The following MGAT4D variants were observed in gnomAD, a reference collection of about 807,000 sequenced individuals.
The protein encoded by MGAT4D is MGAT4 family member D.
MGAT4D carries 34 observed loss-of-function variants against 15.9 expected under a neutral mutation model. The ratio of observed to expected loss-of-function variants is 2.14; its 90% confidence interval spans 1.62 to 2.84. The LOEUF (loss-of-function observed/expected upper bound fraction) is 2.84, where lower values mean the gene tolerates loss of function less well. MGAT4D is among the 30% of genes most tolerant of loss of function. The probability of loss-of-function intolerance (pLI) is 0.00; values close to 1 mark genes in which losing one functional copy is unlikely to be tolerated. For missense variants in MGAT4D, 327 were observed against 140.2 expected (o/e 2.33, Z -6.73); for synonymous variants, 112 against 48.2 (o/e 2.33, Z -5.49).
At chr4:140,460,488 C>T (rs1353569370) in intron 7 of MGAT4D, among the ~76,000 whole-genome samples, 1 of 152,188 alleles carries the variant, frequency 6.6e-6, no homozygotes, top group Non-Finnish European at 1.5e-5. Flanking sequence ...TTGTCTCCCA[C>T]AGGCTCCACC....
intron 10 of MGAT4D, among the ~76,000 whole-genome samples, chr4:140,446,828 G>A (rs569719439): frequency 4.1e-4 from 44 of 106,866 alleles, no homozygotes; most frequent in African/African-American, 1.4e-3. Flanking sequence ...CTAGCTTTTC[G>A]ATTTGGGTAT....
In MGAT4D at chr4:140,480,728, A is replaced by AAC. The variant is rs10615827; in HGVS notation, c.254-1103_254-1102dup. On this transcript the variant is annotated intron_variant, in intron 2 of 10. Coordinates refer to ENST00000511113, the MANE Select transcript of MGAT4D (RefSeq NM_001277353.2). ...CAATATAGCAAGACCCTCATCTCTA[A>AAC]ACACACACACACACACACACACACA... Among the ~76,000 whole-genome samples, 378 of 125,664 alleles carry AAC rather than the reference A, an allele frequency of 3.0e-3. 3 individuals carry two copies. The highest frequency in any genetic ancestry group is 4.7e-3 in the South Asian group (16 of 3,400). The allele number at this position is 125,664 out of a possible 152,430, so 82.4% of individuals were successfully genotyped here.
chr4:140,473,552 T>G (rs1364866808), intron 4 of MGAT4D, among the ~76,000 whole-genome samples: 2 of 152,154 alleles, frequency 1.3e-5, no homozygotes, highest in African/African-American at 4.8e-5. Context: ...TAAAAGAAAA[T>G]GAGGCATAGA....
At chr4:140,461,328 T>A (rs1187149809) in intron 7 of MGAT4D, among the ~76,000 whole-genome samples, 2 of 152,210 alleles carry the variant, frequency 1.3e-5, no homozygotes, top group Non-Finnish European at 2.9e-5. Flanking sequence ...AGTCTACAAC[T>A]CTCTTCTGCA....
At chr4:140,478,812 A>G (rs1341555558) in intron 3 of MGAT4D, among the ~76,000 whole-genome samples, 2 of 150,990 alleles carry the variant, frequency 1.3e-5, no homozygotes, top group Non-Finnish European at 3.0e-5. Flanking sequence ...ATTTTTGGCT[A>G]TTGGGTTATA....
intron 1 of MGAT4D, among the ~76,000 whole-genome samples, chr4:140,485,162 C>A (rs1330174264): frequency 2.0e-5 from 3 of 152,134 alleles, no homozygotes; most frequent in Admixed American, 2.0e-4. Context: ...AAATGTCCAA[C>A]AATGATAGAC....
intron 5 of MGAT4D, among the ~76,000 whole-genome samples, chr4:140,470,224 G>A (rs911442418): frequency 1.3e-5 from 2 of 152,266 alleles, no homozygotes; most frequent in East Asian, 3.9e-4. Flanking sequence ...CTATTTGAAC[G>A]ACCAGGAGTT....
chr4:140,495,084 T>C (rs1275694017), intron 1 of MGAT4D, among the ~76,000 whole-genome samples: 4 of 152,186 alleles, frequency 2.6e-5, no homozygotes, highest in Non-Finnish European at 5.9e-5. Context: ...ATGGTCCCCA[T>C]GATATAATAC....
At chr4:140,481,346 T>C (rs1052336201) in intron 2 of MGAT4D, among the ~76,000 whole-genome samples, 1 of 152,122 alleles carries the variant, frequency 6.6e-6, no homozygotes, top group African/African-American at 2.4e-5. Flanking sequence ...TAAACTCTCA[T>C]ACATTGCTGG....
intron 10 of MGAT4D, among the ~76,000 whole-genome samples, chr4:140,450,332 T>A (rs1030468658): frequency 5.9e-5 from 9 of 152,164 alleles, no homozygotes; most frequent in African/African-American, 1.7e-4. Flanking sequence ...AAAAATATAA[T>A]GAAAGAATCC....
At chr4:140,492,292 G>T (rs1389245150) in intron 1 of MGAT4D, among the ~76,000 whole-genome samples, 1 of 152,144 alleles carries the variant, frequency 6.6e-6, no homozygotes, top group Non-Finnish European at 1.5e-5. Flanking sequence ...CTTCTTAGTA[G>T]TAGAGCCTTC....
intron 8 of MGAT4D, chr4:140,459,306 C>T (rs559868904): frequency 2.6e-4 from 68 of 258,304 alleles, no homozygotes; most frequent in Middle Eastern, 2.2e-3. Context: ...TCAATTTGAT[C>T]TCTCTAGAAA....
chr4:140,497,132 A>C (rs548512479), intron 1 of MGAT4D, among the ~76,000 whole-genome samples: 1 of 152,336 alleles, frequency 6.6e-6, no homozygotes, highest in African/African-American at 2.4e-5. Flanking sequence ...ACATGAAGCC[A>C]CTCCCAAACT....
At chr4:140,452,860 A>T (rs946014669) in intron 9 of MGAT4D, among the ~76,000 whole-genome samples, 1 of 152,096 alleles carries the variant, frequency 6.6e-6, no homozygotes, top group Non-Finnish European at 1.5e-5. Context: ...ATTTTCTTCC[A>T]AGAGTTTTAG....
intron 1 of MGAT4D, among the ~76,000 whole-genome samples, chr4:140,486,273 T>TCA (rs57402037): frequency 0.086 from 13,148 of 152,002 alleles, 571 homozygotes; most frequent in South Asian, 0.11. Flanking sequence ...CTAATTTCAT[T>TCA]GTTTTCTGCT....
At chr4:140,449,759 CAA>C (rs5862474) in intron 10 of MGAT4D, among the ~76,000 whole-genome samples, 7 of 149,480 alleles carry the variant, frequency 4.7e-5, no homozygotes, top group African/African-American at 4.9e-5. Flanking sequence ...GACTCCTTCT[CAA>C]AAAAAAAAAG....
intron 5 of MGAT4D, among the ~76,000 whole-genome samples, chr4:140,466,431 TAGAA>T (rs775115735): frequency 2.6e-5 from 4 of 152,146 alleles, no homozygotes; most frequent in Admixed American, 2.0e-4. Flanking sequence ...GATCCAAACT[TAGAA>T]AGGAGTATAA....
Position 140,482,340 on chromosome 4 carries a change from C to A in MGAT4D, c.240G>T (p.Leu80Phe). The change falls in exon 2 of 11, where the codon TTG becomes TTT. Residue 80 changes from leucine (L) to phenylalanine (F), a missense_variant. Physicochemically the swap from Leu to Phe is conservative, Grantham distance 22. Transcript: ENST00000511113. ...ATCAACACAAACCTAAGTTTCCTGACAAAATTTCTCTCTTTGTAATTTCAT... is the reference window on the plus strand; with the variant it reads ...ATCAACACAAACCTAAGTTTCCTGAAAAAATTTCTCTCTTTGTAATTTCAT... ...MKYEITKREILSGNLVAQKAD... is the reference protein window; with the variant it reads ...MKYEITKREIFSGNLVAQKAD... The A allele has an allele frequency of 1.6e-6, 1 of 623,550 alleles. No individual in the cohort carries two copies. The highest frequency in any genetic ancestry group is 2.8e-6 in the Non-Finnish European group (1 of 355,388). 38.6% of individuals were successfully genotyped at this position (623,550 alleles called of 1,614,324 possible).
chr4:140,482,845 C>A (rs2321267), intron 1 of MGAT4D, among the ~76,000 whole-genome samples: 20,643 of 151,794 alleles, frequency 0.14, 1,486 homozygotes, highest in Admixed American at 0.2. Context: ...ATTAACCCCC[C>A]AAAAATACAT....
Sources: gnomAD v4.1 joint callset for allele counts (sites outside exome capture counted in the v4.1 genomes callset) on GRCh38, gnomAD v4.1.1 for gene constraint, MANE v1.5 for transcripts, NCBI Gene and HGNC (gene_info 2026-07-23, HGNC 2026-07-21) for gene names.